Variants in CRYBA4 observed in about 807,000 individuals in gnomAD.
CRYBA4 encodes crystallin beta A4, also known as beta-crystallin A4.
CRYBA4 carries 30 observed loss-of-function variants against 31.7 expected under a neutral mutation model. The ratio of observed to expected loss-of-function variants is 0.95; its 90% CI spans 0.71 to 1.28. CRYBA4 has a LOEUF of 1.28. CRYBA4 is among the 50% of genes most tolerant of loss of function. The pLI, the probability that CRYBA4 is intolerant of heterozygous loss-of-function variation, is 0.00. For missense variants in CRYBA4, 225 were observed against 260.7 expected (o/e 0.86, Z 0.94); for synonymous variants, 102 against 102.3 (o/e 1.00, Z 0.02).
chr22:26,627,488 TTTTC>T (rs201917169), intron 4 of CRYBA4, among the ~76,000 whole-genome samples: 1,258 of 81,628 alleles, frequency 0.015, 53 homozygotes, highest in East Asian at 0.064. Context: ...CTTTCTTTCC[TTTTC>T]TTTCTTTCTT....
At chr22:26,629,579 T>A (rs547632329) in intron 5 of CRYBA4, among the ~76,000 whole-genome samples, 3 of 151,852 alleles carry the variant, frequency 2.0e-5, no homozygotes, top group African/African-American at 7.2e-5. Flanking sequence ...CCGTCTCTAC[T>A]AAAAATACAA....
intron 3 of CRYBA4, 38 bp from the exon 4 acceptor site, chr22:26,625,443 G>C: frequency 6.2e-7 from 1 of 1,610,854 alleles, no homozygotes; most frequent in Non-Finnish European, 8.5e-7. Flanking sequence ...GGGTGAGGGG[G>C]ACGCTTACCT....
At chr22:26,614,344 G>A in the CRYBA4 span, among the ~76,000 whole-genome samples, 293 of 152,260 alleles carry the variant, frequency 1.9e-3, no homozygotes, top group African/African-American at 6.4e-3. Flanking sequence ...GTCTCCCCCG[G>A]ACGCCCAGCT....
intron 1 of CRYBA4, 136 bp downstream of exon 1, chr22:26,622,122 G>A (rs766495315): frequency 3.9e-5 from 11 of 278,628 alleles, no homozygotes; most frequent in Non-Finnish European, 6.2e-5. Context: ...CCAAGGATGA[G>A]CCCCAACCAT....
At chr22:26,617,901 C>T (rs1297544375), upstream of CRYBA4, 1 of 153,458 alleles carries the variant, frequency 6.5e-6, no homozygotes. Flanking sequence ...ACTGCTATCT[C>T]TGCCTCCCTC....
Position 26,623,363 on chromosome 22 carries a change from G to A in CRYBA4, c.158+11G>A. 1 of 1,605,248 alleles carries A rather than the reference G, an allele frequency of 6.2e-7. No individual in the cohort carries two copies. The highest frequency in any genetic ancestry group is 1.3e-5 in the African/African-American group (1 of 74,876). Reference sequence around the variant, plus strand: ...AGTGCTGAGTGGAGCGTGAGTCTAGGGGGACACTGAGTTGGGGTAGAGGGT... The same window carrying A: ...AGTGCTGAGTGGAGCGTGAGTCTAGAGGGACACTGAGTTGGGGTAGAGGGT... On this transcript the variant is annotated intron_variant, in intron 3 of 5. Transcript: ENST00000354760.
rs1602344642 is a variant in CRYBA4 at position 26,630,592 on chromosome 22, AACCCAG to A, written c.*106_*111del. On this transcript the variant is annotated 3_prime_UTR_variant, in exon 6 of 6. Transcript: ENST00000354760. ...TCTGCCTCCCCCTGTAACCTGTGTG[AACCCAG>A]CACCCATGTGAACTGGTCCGTGCAC... 1.1e-5 allele frequency: 11 copies of A among 984,750 alleles called. No homozygotes were observed. In the East Asian group the frequency reaches 2.6e-4, roughly 23 times the overall value. 61.0% of individuals were successfully genotyped at this position (984,750 alleles called of 1,614,324 possible).
In CRYBA4 at chr22:26,628,397, A is replaced by G. The variant is rs750079774; in HGVS notation, c.410A>G (p.Asn137Ser). 3.1e-6 allele frequency: 5 copies of G among 1,613,950 alleles called. No individual in the cohort carries two copies. Among genetic ancestry groups the G allele is most frequent in the African/African-American group, 2.7e-5 (2 of 74,884 alleles). Residue 137 changes from asparagine to serine, a missense_variant, in exon 5 of 6, where the codon AAT becomes AGT. Asn to Ser is a conservative substitution (Grantham distance 46). Coordinates refer to ENST00000354760, the MANE Select transcript of CRYBA4 (RefSeq NM_001886.3). ...PSLQAMGWEG[N>S]EVGSFHVHSG... ...CTCCAGGCCATGGGATGGGAAGGCAATGAAGTAGGGTCCTTCCACGTCCAC... is the reference window on the plus strand; with the variant it reads ...CTCCAGGCCATGGGATGGGAAGGCAGTGAAGTAGGGTCCTTCCACGTCCAC...
At chr22:26,620,963 A>C (rs1254242581), upstream of CRYBA4, among the ~76,000 whole-genome samples, 1 of 152,194 alleles carries the variant, frequency 6.6e-6, no homozygotes, top group East Asian at 1.9e-4. Context: ...CCTCCAGGTC[A>C]CACGGATGGT....
At chr22:26,628,502 CTG>C (rs1409735900) in intron 5 of CRYBA4, 72 bp downstream of exon 5, 3 of 1,576,894 alleles carry the variant, frequency 1.9e-6, no homozygotes, top group Non-Finnish European at 2.6e-6. Context: ...CCTGTGAAAA[CTG>C]TGTGCTGGGG....
At chr22:26,628,635 G>T (rs1276992800) in intron 5 of CRYBA4, among the ~76,000 whole-genome samples, 1 of 152,132 alleles carries the variant, frequency 6.6e-6, no homozygotes, top group Non-Finnish European at 1.5e-5. Flanking sequence ...ATATTTATCA[G>T]CCCCTGTAAT....
chr22:26,620,003 CTT>C (rs57928877), upstream of CRYBA4, among the ~76,000 whole-genome samples: 40 of 138,348 alleles, frequency 2.9e-4, no homozygotes, highest in East Asian at 4.2e-4. Flanking sequence ...TTTTTCTTTT[CTT>C]TTTTTTTTTT....
chr22:26,593,676 C>T, the CRYBA4 span, among the ~76,000 whole-genome samples: 21 of 152,046 alleles, frequency 1.4e-4, no homozygotes, highest in African/African-American at 5.1e-4. Flanking sequence ...CAAGCATGCG[C>T]CAATATGCCT....
intron 5 of CRYBA4, among the ~76,000 whole-genome samples, chr22:26,629,539 C>T (rs571577070): frequency 1.5e-4 from 23 of 151,810 alleles, no homozygotes; most frequent in African/African-American, 4.6e-4. Flanking sequence ...GTCAGGAGTT[C>T]GAGACCAGCC....
At chr22:26,630,257 G>C (rs941238995) in intron 5 of CRYBA4, 83 bp from the exon 6 acceptor site, 23 of 1,556,984 alleles carry the variant, frequency 1.5e-5, no homozygotes, top group Non-Finnish European at 1.8e-5. Flanking sequence ...AATTGTGTGC[G>C]TGTGCATAGA....
the CRYBA4 span, among the ~76,000 whole-genome samples, chr22:26,604,307 C>T: frequency 6.6e-6 from 1 of 152,182 alleles, no homozygotes. Context: ...TAGCATAGGA[C>T]AGTTGTAGGG....
chr22:26,619,149 C>T (rs144352849), upstream of CRYBA4, among the ~76,000 whole-genome samples: 8 of 151,952 alleles, frequency 5.3e-5, no homozygotes, highest in East Asian at 3.9e-4. Context: ...AGGTAGGGTA[C>T]GGAGGAGATA....
intron 4 of CRYBA4, among the ~76,000 whole-genome samples, chr22:26,627,223 C>G (rs922492114): frequency 2.6e-5 from 4 of 152,098 alleles, no homozygotes; most frequent in African/African-American, 7.2e-5. Flanking sequence ...GAAATCCTGT[C>G]TAACCTCAGT....
At chr22:26,591,388 T>C in the CRYBA4 span, among the ~76,000 whole-genome samples, 1 of 149,796 alleles carries the variant, frequency 6.7e-6, no homozygotes, top group African/African-American at 2.5e-5. Context: ...GGAGAATCGC[T>C]TGAACCTGGG....
Sources: allele counts gnomAD v4.1 joint callset (sites outside exome capture counted in the v4.1 genomes callset), GRCh38; gene constraint gnomAD v4.1.1; transcripts MANE v1.5; gene names NCBI Gene and HGNC (gene_info 2026-07-23, HGNC 2026-07-21).